ITPR2: variants seen among roughly 807,000 people sequenced by gnomAD.
The protein encoded by ITPR2 is inositol 1,4,5-trisphosphate-gated calcium channel ITPR2.
In ITPR2, 207 loss-of-function variants were observed where a neutral mutation model predicts 317.1. The ratio of observed to expected loss-of-function variants is 0.65; its 90% CI spans 0.58 to 0.73. The LOEUF (loss-of-function observed/expected upper bound fraction) is 0.73. Ranked by LOEUF, ITPR2 falls within the 30% of genes least tolerant of loss-of-function variation. The probability of loss-of-function intolerance (pLI) is 0.00; values close to 1 mark genes in which losing one functional copy is unlikely to be tolerated. For synonymous variants in ITPR2, 1,156 were observed against 1,149.1 expected, an observed-to-expected ratio of 1.01 and a Z score of -0.12; for missense variants, 2,613 against 3,284.0, an observed-to-expected ratio of 0.80 and a Z score of 4.99.
intron 13 of ITPR2, among the ~76,000 whole-genome samples, chr12:26,667,441 T>C (rs1248985142): frequency 6.6e-6 from 1 of 152,228 alleles, no homozygotes; most frequent in African/African-American, 2.4e-5. Context: ...TGTAACCCAG[T>C]CTGTTTCTTT....
At chr12:26,405,844 G>T (rs2136660536) in intron 52 of ITPR2, among the ~76,000 whole-genome samples, 1 of 152,292 alleles carries the variant, frequency 6.6e-6, no homozygotes, top group East Asian at 1.9e-4. Context: ...TGTAATCCCA[G>T]ATACTCAGGA....
chr12:26,729,944 C>A (rs1948999355), intron 2 of ITPR2, among the ~76,000 whole-genome samples: 1 of 151,818 alleles, frequency 6.6e-6, no homozygotes, highest in Non-Finnish European at 1.5e-5. Context: ...GCACTTGTAA[C>A]CCTGAAGTTA....
Position 26,376,391 on chromosome 12 carries a change from T to C in ITPR2, c.7857+11043A>G, listed in dbSNP as rs925593400. On this transcript the variant is annotated intron_variant, in intron 55 of 56. Coordinates refer to ENST00000381340, the MANE Select transcript of ITPR2 (RefSeq NM_002223.4). Reference sequence around the variant, plus strand: ...CTCAACCCTCCCTCCCCTGACTCTCTGAGGTCAGGGACCTAAACAGTCTTC... The same window carrying C: ...CTCAACCCTCCCTCCCCTGACTCTCCGAGGTCAGGGACCTAAACAGTCTTC... Among the ~76,000 whole-genome samples, 7 of 152,300 alleles carry C rather than the reference T, an allele frequency of 4.6e-5. No individual in the cohort carries two copies. The East Asian group carries it at 1.4e-3, about 29-fold the overall frequency.
At chr12:26,627,022 C>T (rs1340832595) in intron 23 of ITPR2, among the ~76,000 whole-genome samples, 7 of 152,116 alleles carry the variant, frequency 4.6e-5, no homozygotes, top group African/African-American at 1.7e-4. Context: ...AAAATTTTTA[C>T]AATCATAACT....
chr12:26,400,087 A>C (rs770103099), intron 53 of ITPR2, 41 bp downstream of exon 53: 2 of 1,565,950 alleles, frequency 1.3e-6, no homozygotes, highest in Non-Finnish European at 1.7e-6. Flanking sequence ...GGTTTAAAAA[A>C]AAGATGTGCT....
intron 8 of ITPR2, among the ~76,000 whole-genome samples, chr12:26,711,929 T>C (rs1014846907): frequency 2.0e-5 from 3 of 152,336 alleles, no homozygotes; most frequent in African/African-American, 4.8e-5. Flanking sequence ...TTTCCATGCA[T>C]GCTTTTTATT....
intron 55 of ITPR2, among the ~76,000 whole-genome samples, chr12:26,361,656 T>C (rs1938834522): frequency 6.6e-6 from 1 of 152,252 alleles, no homozygotes; most frequent in Non-Finnish European, 1.5e-5. Flanking sequence ...GATTATCTAC[T>C]ATTAATTTCC....
At chr12:26,380,208 C>T (rs1284203160) in intron 55 of ITPR2, among the ~76,000 whole-genome samples, 2 of 152,200 alleles carry the variant, frequency 1.3e-5, no homozygotes, top group African/African-American at 4.8e-5. Flanking sequence ...TAACAGCATT[C>T]AGCCACACTG....
At chr12:26,790,586 TACACACACACACAC>T (rs10527860) in intron 1 of ITPR2, among the ~76,000 whole-genome samples, 1 of 147,708 alleles carries the variant, frequency 6.8e-6, no homozygotes, top group East Asian at 2.0e-4. Context: ...CATATATGCT[TACACACACACACAC>T]ACACACACAC....
chr12:26,612,663 G>T (rs968923145), intron 26 of ITPR2, among the ~76,000 whole-genome samples: 1 of 152,080 alleles, frequency 6.6e-6, no homozygotes, highest in East Asian at 1.9e-4. Flanking sequence ...TACCTCACTA[G>T]TCCATGCTTT....
intron 21 of ITPR2, among the ~76,000 whole-genome samples, chr12:26,645,385 C>T (rs1947091723): frequency 6.6e-6 from 1 of 152,214 alleles, no homozygotes; most frequent in Admixed American, 6.5e-5. Flanking sequence ...TTCTTAGAGT[C>T]TAAAGCTTCC....
intron 37 of ITPR2, among the ~76,000 whole-genome samples, chr12:26,536,404 C>T (rs1283812803): frequency 6.6e-6 from 1 of 152,060 alleles, no homozygotes; most frequent in Non-Finnish European, 1.5e-5. Context: ...TAAACAGCTG[C>T]TCAACAGTAG....
At position 26,491,327 on chromosome 12, in the gene ITPR2, C is replaced by CA. The variant is rs1288132394; in HGVS notation, c.5370+2825dup. Among the ~76,000 whole-genome samples the CA allele has an allele frequency of 1.4e-4, 21 of 151,286 alleles. No homozygotes were observed. In the East Asian group the frequency reaches 4.1e-3, roughly 30 times the overall value. ...TGAAACCCCGTCTCTACTAAAAATACAAAAAATTAGCCGGGCGTGGTGGTG... is the reference window on the plus strand; with the variant it reads ...TGAAACCCCGTCTCTACTAAAAATACAAAAAAATTAGCCGGGCGTGGTGGTG... On this transcript the variant is annotated intron_variant, in intron 39 of 56. Transcript: ENST00000381340.
At chr12:26,796,799 G>A (rs532920184) in intron 1 of ITPR2, among the ~76,000 whole-genome samples, 6 of 152,196 alleles carry the variant, frequency 3.9e-5, no homozygotes, top group African/African-American at 7.2e-5. Flanking sequence ...GGAGGCTGAG[G>A]CGGGTGGATT....
chr12:26,770,820 C>CT (rs1033284091), intron 2 of ITPR2, among the ~76,000 whole-genome samples: 1 of 152,190 alleles, frequency 6.6e-6, no homozygotes, highest in Non-Finnish European at 1.5e-5. Flanking sequence ...AAATTGGTGG[C>CT]TTAAAACAAC....
intron 1 of ITPR2, among the ~76,000 whole-genome samples, chr12:26,814,298 G>A (rs1040894328): frequency 6.6e-6 from 1 of 152,104 alleles, no homozygotes; most frequent in African/African-American, 2.4e-5. Flanking sequence ...CTCTTTTGGG[G>A]TGAAAATTGC....
At chr12:26,478,159 T>C (rs1047788004) in intron 43 of ITPR2, among the ~76,000 whole-genome samples, 9 of 151,920 alleles carry the variant, frequency 5.9e-5, no homozygotes, top group African/African-American at 1.5e-4. Flanking sequence ...CCAACTATTT[T>C]CCCCCCAGAA....
At chr12:26,386,368 C>T (rs1939663796) in intron 55 of ITPR2, among the ~76,000 whole-genome samples, 1 of 152,094 alleles carries the variant, frequency 6.6e-6, no homozygotes, top group Non-Finnish European at 1.5e-5. Context: ...ATGAAAAATG[C>T]TGAAATATAT....
chr12:26,449,228 G>A (rs1216314654), intron 45 of ITPR2, among the ~76,000 whole-genome samples: 1 of 152,148 alleles, frequency 6.6e-6, no homozygotes, highest in Non-Finnish European at 1.5e-5. Flanking sequence ...GCTGGAGCCT[G>A]AAGTCAGAAT....
Sources: gnomAD v4.1 joint callset for allele counts (sites outside exome capture counted in the v4.1 genomes callset) on GRCh38, gnomAD v4.1.1 for gene constraint, MANE v1.5 for transcripts, NCBI Gene and HGNC (gene_info 2026-07-23, HGNC 2026-07-21) for gene names.